SLC44A3: variants seen among roughly 807,000 people sequenced by gnomAD.
SLC44A3 encodes the protein solute carrier family 44 member 3.
In SLC44A3, 74 loss-of-function variants were observed where a neutral mutation model predicts 75.4. The ratio of observed to expected loss-of-function variants is 0.98; its 90% confidence interval spans 0.81 to 1.19. The LOEUF (loss-of-function observed/expected upper bound fraction) is 1.19, where lower values mean the gene tolerates loss of function less well. Among genes scored for constraint, SLC44A3 ranks in the 50% most tolerant of loss-of-function variants. The pLI is 0.00. For synonymous variants in SLC44A3, 310 were observed against 296.9 expected (o/e 1.04, Z -0.45); for missense variants, 700 against 778.6 (o/e 0.90, Z 1.20).
intron 12 of SLC44A3, among the ~76,000 whole-genome samples, chr1:94,875,876 T>C (rs1489333303): frequency 1.3e-5 from 2 of 152,192 alleles, no homozygotes; most frequent in Non-Finnish European, 2.9e-5. Context: ...TCATGACATG[T>C]TCTAGGTACA....
At chr1:94,889,603 GA>G (rs1669982130) in intron 12 of SLC44A3, among the ~76,000 whole-genome samples, 1 of 151,438 alleles carries the variant, frequency 6.6e-6, no homozygotes, top group Non-Finnish European at 1.5e-5. Context: ...TTATGCTTAA[GA>G]AATTATCTAA....
intron 8 of SLC44A3, 50 bp from the exon 9 acceptor site, chr1:94,845,228 C>A (rs1664250181): frequency 6.5e-7 from 1 of 1,533,010 alleles, no homozygotes; most frequent in East Asian, 2.3e-5. Flanking sequence ...TAAGCTCTAC[C>A]CAGTTCTCCA....
At chr1:94,890,646 AC>A (rs1670104036) in intron 12 of SLC44A3, among the ~76,000 whole-genome samples, 1 of 152,180 alleles carries the variant, frequency 6.6e-6, no homozygotes, top group Non-Finnish European at 1.5e-5. Context: ...GCTTTCTGGT[AC>A]CTAAACTTCC....
intron 6 of SLC44A3, among the ~76,000 whole-genome samples, 181 bp downstream of exon 6, chr1:94,838,052 T>G (rs1663058464): frequency 6.6e-6 from 1 of 152,366 alleles, no homozygotes; most frequent in South Asian, 2.1e-4. Context: ...GAGGAGCGGC[T>G]GGCCCTCTGG....
chr1:94,872,475 G>T (rs1667869216), intron 12 of SLC44A3, among the ~76,000 whole-genome samples: 1 of 151,936 alleles, frequency 6.6e-6, no homozygotes, highest in Admixed American at 6.6e-5. Context: ...TCTTCCAGCA[G>T]AAGTGGGAAT....
At chr1:94,821,162 T>C (rs1330713935) in intron 2 of SLC44A3, 106 bp downstream of exon 2, 2 of 832,494 alleles carry the variant, frequency 2.4e-6, no homozygotes, top group Non-Finnish European at 3.8e-6. Flanking sequence ...GAGAGACTTC[T>C]GCCGTTAACC....
At chr1:94,888,893 C>CTATATATATATATA (rs34513886) in intron 12 of SLC44A3, among the ~76,000 whole-genome samples, 1 of 146,904 alleles carries the variant, frequency 6.8e-6, no homozygotes, top group African/African-American at 2.5e-5. Context: ...CCACGACTGG[C>CTATATATATATATA]TATATATATA....
At chr1:94,882,259 G>A (rs1016160372) in intron 12 of SLC44A3, among the ~76,000 whole-genome samples, 2 of 152,194 alleles carry the variant, frequency 1.3e-5, no homozygotes, top group Admixed American at 1.3e-4. Flanking sequence ...GGTCATCCTC[G>A]TGGCTCCAAA....
chr1:94,824,419 A>G, intron 2 of SLC44A3, 74 bp from the exon 3 acceptor site: 1 of 1,473,556 alleles, frequency 6.8e-7, no homozygotes, highest in Non-Finnish European at 9.0e-7. Context: ...GTTTTATATC[A>G]GCATCTGCAG....
Position 94,889,026 on chromosome 1 carries a change from G to A in SLC44A3, c.1483-2104G>A, listed in dbSNP as rs764282751. ...GCCCCAACCCCTGGCCTCCCAAAGT[G>A]CAGGGATTACAGGCATGAGCCACCG... On this transcript the variant is annotated intron_variant, in intron 12 of 14. Coordinates refer to ENST00000271227, the MANE Select transcript of SLC44A3 (RefSeq NM_001114106.3). 6.6e-5 allele frequency among the ~76,000 whole-genome samples: 10 copies of A among 152,184 alleles called. No homozygotes were observed. The South Asian group carries it at 2.1e-3, about 32-fold the overall frequency.
chr1:94,820,535 C>G lies in SLC44A3; in HGVS notation c.27+57C>G, dbSNP rs1282090171. Reference sequence around the variant, plus strand: ...GGAGCCCCGGGGAAGGGTCGAGTCCCCCGCCTTCACGCACCTTCCCTGCCG... The same window carrying G: ...GGAGCCCCGGGGAAGGGTCGAGTCCGCCGCCTTCACGCACCTTCCCTGCCG... On this transcript the variant is annotated intron_variant, in intron 1 of 14. Transcript: ENST00000271227. The G allele has an allele frequency of 5.1e-5, 75 of 1,474,394 alleles. 1 individual carries two copies. Among genetic ancestry groups the G allele is most frequent in the Non-Finnish European group, 3.1e-5 (34 of 1,113,316 alleles). The allele number at this position is 1,474,394 out of a possible 1,614,324, so 91.3% of individuals were successfully genotyped here.
chr1:94,825,361 C>T (rs2100921301), intron 3 of SLC44A3, among the ~76,000 whole-genome samples: 1 of 152,310 alleles, frequency 6.6e-6, no homozygotes, highest in Middle Eastern at 3.4e-3. Flanking sequence ...GACAGACTCT[C>T]ATTCTGTCAC....
At chr1:94,834,207 G>A (rs1458090234) in intron 5 of SLC44A3, among the ~76,000 whole-genome samples, 1 of 147,788 alleles carries the variant, frequency 6.8e-6, no homozygotes, top group Non-Finnish European at 1.5e-5. Context: ...GGTCTTCAAG[G>A]GTTCTTTGGA....
intron 12 of SLC44A3, among the ~76,000 whole-genome samples, chr1:94,875,753 A>G (rs1012292830): frequency 6.6e-6 from 1 of 152,190 alleles, no homozygotes; most frequent in Non-Finnish European, 1.5e-5. Flanking sequence ...CACTAGTTGA[A>G]AAGGTCAGCT....
chr1:94,875,755 A>AG (rs1285399025), intron 12 of SLC44A3, among the ~76,000 whole-genome samples: 1 of 152,206 alleles, frequency 6.6e-6, no homozygotes, highest in African/African-American at 2.4e-5. Context: ...CTAGTTGAAA[A>AG]GGTCAGCTAA....
At chr1:94,876,554 A>G (rs566417266) in intron 12 of SLC44A3, among the ~76,000 whole-genome samples, 63 of 152,252 alleles carry the variant, frequency 4.1e-4, no homozygotes, top group Non-Finnish European at 6.9e-4. Flanking sequence ...ATTCATAAAA[A>G]GAAAAAAGCA....
intron 2 of SLC44A3, among the ~76,000 whole-genome samples, chr1:94,822,583 A>G (rs1301863655): frequency 6.6e-6 from 1 of 152,168 alleles, no homozygotes; most frequent in Non-Finnish European, 1.5e-5. Context: ...GGGCTGGACA[A>G]AGGCTTGGGG....
At chr1:94,864,658 T>C in intron 10 of SLC44A3, 85 bp from the exon 11 acceptor site, 1 of 1,395,570 alleles carries the variant, frequency 7.2e-7, no homozygotes, top group South Asian at 1.5e-5. Flanking sequence ...TCTAAGTTGT[T>C]AGTACCACAG....
At chr1:94,867,484 C>A in intron 12 of SLC44A3, 67 bp downstream of exon 12, 2 of 1,321,234 alleles carry the variant, frequency 1.5e-6, no homozygotes, top group South Asian at 1.5e-5. Context: ...TCTCTTAGGT[C>A]AAGGTTTGGC....
Sources: allele counts gnomAD v4.1 joint callset (sites outside exome capture counted in the v4.1 genomes callset), GRCh38; gene constraint gnomAD v4.1.1; transcripts MANE v1.5; gene names NCBI Gene and HGNC (gene_info 2026-07-23, HGNC 2026-07-21).